CWC27: variants seen among roughly 807,000 people sequenced by gnomAD.
CWC27 encodes the protein CWC27 spliceosome associated cyclophilin.
In CWC27, 47 loss-of-function variants were observed where a neutral mutation model predicts 63.6. The ratio of observed to expected loss-of-function variants is 0.74; its 90% CI spans 0.58 to 0.94. The LOEUF (loss-of-function observed/expected upper bound fraction) is 0.94, where lower values mean the gene tolerates loss of function less well. Among genes scored for constraint, CWC27 ranks in the 40% least tolerant of loss-of-function variants. The pLI, the probability that CWC27 is intolerant of heterozygous loss-of-function variation, is 0.00. For synonymous variants in CWC27, 175 were observed against 179.8 expected (o/e 0.97, Z 0.22); for missense variants, 495 against 554.3 (o/e 0.89, Z 1.07).
chr5:64,809,524 C>T (rs1241197427), intron 10 of CWC27, among the ~76,000 whole-genome samples: 1 of 152,090 alleles, frequency 6.6e-6, no homozygotes, highest in Admixed American at 6.6e-5. Context: ...CGTGCCACCA[C>T]GCCAGGCTAA....
intron 11 of CWC27, among the ~76,000 whole-genome samples, chr5:64,896,715 G>A: frequency 6.7e-6 from 1 of 150,066 alleles, no homozygotes. Flanking sequence ...AGAAAGGAAA[G>A]AAAAATAAAC....
chr5:64,932,897 C>T (rs1247361390), intron 11 of CWC27, among the ~76,000 whole-genome samples: 4 of 152,156 alleles, frequency 2.6e-5, no homozygotes, highest in Admixed American at 2.0e-4. Flanking sequence ...AGAAGTGATT[C>T]ATCTATACAC....
intron 11 of CWC27, among the ~76,000 whole-genome samples, chr5:64,941,419 T>A (rs1361740795): frequency 6.6e-6 from 1 of 152,186 alleles, no homozygotes; most frequent in Non-Finnish European, 1.5e-5. Context: ...AATACTTGCT[T>A]CTTTGCTACT....
intron 13 of CWC27, among the ~76,000 whole-genome samples, chr5:64,987,588 A>G (rs1264065333): frequency 1.3e-5 from 2 of 152,180 alleles, no homozygotes; most frequent in Non-Finnish European, 2.9e-5. Flanking sequence ...TCTTCTAGCT[A>G]AAGAACTTCC....
intron 11 of CWC27, among the ~76,000 whole-genome samples, chr5:64,896,902 G>A (rs1222797152): frequency 6.6e-6 from 1 of 152,144 alleles, no homozygotes; most frequent in Admixed American, 6.6e-5. Flanking sequence ...ACTTATGTGA[G>A]AAACATCTTC....
chr5:64,856,544 G>GT (rs994388832), intron 10 of CWC27, among the ~76,000 whole-genome samples: 14 of 151,892 alleles, frequency 9.2e-5, no homozygotes, highest in African/African-American at 3.4e-4. Flanking sequence ...CTTTCAACAA[G>GT]TTTTTTTGTT....
At chr5:64,844,840 C>T (rs1339142712) in intron 10 of CWC27, 2 of 453,652 alleles carry the variant, frequency 4.4e-6, no homozygotes, top group African/African-American at 2.0e-5. Flanking sequence ...ACAAAGCAAT[C>T]CCATGGCTCT....
intron 12 of CWC27, among the ~76,000 whole-genome samples, chr5:64,976,248 T>C (rs1464360470): frequency 2.0e-5 from 3 of 152,150 alleles, no homozygotes; most frequent in Non-Finnish European, 4.4e-5. Context: ...ACCTTATTTT[T>C]CTATCGTCCC....
At chr5:64,785,955 G>T (rs547373640) in intron 5 of CWC27, among the ~76,000 whole-genome samples, 1 of 152,044 alleles carries the variant, frequency 6.6e-6, no homozygotes, top group Admixed American at 6.5e-5. Context: ...ATGAGGTCAG[G>T]AGATGGAGAC....
chr5:64,771,773 T>C (rs1447192876), intron 1 of CWC27, among the ~76,000 whole-genome samples: 1 of 152,174 alleles, frequency 6.6e-6, no homozygotes, highest in Non-Finnish European at 1.5e-5. Flanking sequence ...TACAAAGTAG[T>C]GATGACCAAA....
intron 9 of CWC27, among the ~76,000 whole-genome samples, chr5:64,801,541 C>A (rs1281529232): frequency 6.6e-6 from 1 of 151,782 alleles, no homozygotes; most frequent in Non-Finnish European, 1.5e-5. Flanking sequence ...GTGTGTATAT[C>A]TCTCTACAAC....
intron 10 of CWC27, among the ~76,000 whole-genome samples, chr5:64,862,905 T>C (rs532834104): frequency 1.6e-3 from 242 of 152,264 alleles, no homozygotes; most frequent in Non-Finnish European, 2.7e-3. Flanking sequence ...TGTGTCCTCA[T>C]GTGGTGGACA....
intron 10 of CWC27, among the ~76,000 whole-genome samples, chr5:64,858,137 CAAAAAAA>C (rs529762534): frequency 1.3e-4 from 3 of 23,086 alleles, no homozygotes; most frequent in African/African-American, 1.9e-4. Flanking sequence ...GACTCCGTCT[CAAAAAAA>C]AAAAAAAAAA....
intron 6 of CWC27, among the ~76,000 whole-genome samples, chr5:64,788,396 A>C (rs1304477513): frequency 6.6e-6 from 1 of 151,786 alleles, no homozygotes; most frequent in Non-Finnish European, 1.5e-5. Flanking sequence ...TGTTTATCTT[A>C]CTTGAGATTA....
intron 11 of CWC27, among the ~76,000 whole-genome samples, chr5:64,887,950 A>G (rs1274139650): frequency 6.6e-6 from 1 of 152,166 alleles, no homozygotes; most frequent in Admixed American, 6.5e-5. Flanking sequence ...AATACTGATA[A>G]TAAAACATAA....
chr5:64,924,059 A>G (rs1225756731), intron 11 of CWC27, among the ~76,000 whole-genome samples: 1 of 152,014 alleles, frequency 6.6e-6, no homozygotes, highest in African/African-American at 2.4e-5. Context: ...ATCACTCACC[A>G]TCTCTTCCTA....
intron 11 of CWC27, among the ~76,000 whole-genome samples, chr5:64,959,140 C>T (rs1485203651): frequency 6.6e-6 from 1 of 152,022 alleles, no homozygotes; most frequent in Non-Finnish European, 1.5e-5. Flanking sequence ...CTGTAAAATA[C>T]ACATGTATAG....
At chr5:65,016,430 G>A (rs546530855) in intron 13 of CWC27, among the ~76,000 whole-genome samples, 156 of 152,112 alleles carry the variant, frequency 1.0e-3, no homozygotes, top group African/African-American at 3.6e-3. Flanking sequence ...GATCCCAGGA[G>A]TTCGAGACCA....
chr5:64,863,382 T>C (rs890903020), intron 10 of CWC27, among the ~76,000 whole-genome samples: 26 of 152,098 alleles, frequency 1.7e-4, no homozygotes, highest in African/African-American at 6.3e-4. Flanking sequence ...CATTCAGGTA[T>C]TTTGTTTCTT....
Sources: gnomAD v4.1 joint callset for allele counts (sites outside exome capture counted in the v4.1 genomes callset) on GRCh38, gnomAD v4.1.1 for gene constraint, MANE v1.5 for transcripts, NCBI Gene and HGNC (gene_info 2026-07-23, HGNC 2026-07-21) for gene names.